Variants in FHIT observed in about 807,000 individuals in gnomAD.
FHIT encodes the protein fragile histidine triad diadenosine triphosphatase.
A neutral mutation model predicts 17.9 loss-of-function variants in FHIT; 19 were observed. The observed-to-expected ratio is 1.06, with a 90% CI of 0.74 to 1.56. The LOEUF (loss-of-function observed/expected upper bound fraction) is 1.56, where lower values mean the gene tolerates loss of function less well. Ranked by LOEUF, FHIT falls within the 40% of genes most tolerant of loss-of-function variation. FHIT has a pLI of 0.00. For synonymous variants in FHIT, 81 were observed against 69.7 expected, an observed-to-expected ratio of 1.16 and a Z score of -0.81; for missense variants, 248 against 189.2, an observed-to-expected ratio of 1.31 and a Z score of -1.82.
At position 59,986,420 on chromosome 3, in the gene FHIT, T is replaced by G. The variant is rs533794430; in HGVS notation, c.279+24951A>C. On this transcript the variant is annotated intron_variant, in intron 7 of 9. Coordinates refer to ENST00000492590, the MANE Select transcript of FHIT (RefSeq NM_002012.4). ...CCTTACTTCTCAAACAGTTATTCCC[T>G]TTGCTATATCACCCAGAAGTCTGTG... Among the ~76,000 whole-genome samples, 139 of 148,276 alleles carry G rather than the reference T, an allele frequency of 9.4e-4. 1 individual carries two copies. Among genetic ancestry groups the G allele is most frequent in the South Asian group, 4.5e-3 (21 of 4,712 alleles).
intron 4 of FHIT, among the ~76,000 whole-genome samples, chr3:60,660,727 C>CTTTTTTTTT (rs1220817643): frequency 2.9e-3 from 49 of 16,740 alleles, no homozygotes; most frequent in Non-Finnish European, 4.1e-3. Context: ...TTTTATTGTG[C>CTTTTTTTTT]TCTTTTTTTT....
rs185024584 is a variant in FHIT, at chr3:61,216,633, G to C, written c.-212-15968C>G. 5.5e-3 allele frequency among the ~76,000 whole-genome samples: 838 copies of C among 152,172 alleles called. 12 individuals carry two copies. The highest frequency in any genetic ancestry group is 0.019 in the African/African-American group (798 of 41,516). On this transcript the variant is annotated intron_variant, in intron 1 of 9. Coordinates refer to ENST00000492590, the MANE Select transcript of FHIT (RefSeq NM_002012.4). ...TAGAAATACCATTTGACCCAGCCAT[G>C]CCATTACTGCGTATATACCCAAAGG...
chr3:60,525,410 C>T (rs1050932311), intron 5 of FHIT, among the ~76,000 whole-genome samples: 9 of 152,190 alleles, frequency 5.9e-5, no homozygotes, highest in African/African-American at 9.6e-5. Flanking sequence ...GAAGGGATCA[C>T]ACCCTACCTA....
intron 5 of FHIT, among the ~76,000 whole-genome samples, chr3:60,054,893 G>A (rs1335598155): frequency 6.6e-6 from 1 of 151,962 alleles, no homozygotes; most frequent in Non-Finnish European, 1.5e-5. Flanking sequence ...AGAAATTTGT[G>A]TTTTATTTTT....
At chr3:59,836,295 T>C (rs1332195373) in intron 8 of FHIT, among the ~76,000 whole-genome samples, 1 of 152,202 alleles carries the variant, frequency 6.6e-6, no homozygotes. Context: ...ATTCTTATCC[T>C]TTGTGACTGC....
At chr3:60,378,649 A>C (rs922652902) in intron 5 of FHIT, among the ~76,000 whole-genome samples, 108 of 152,352 alleles carry the variant, frequency 7.1e-4, no homozygotes, top group African/African-American at 2.5e-3. Flanking sequence ...ATGTCAAACT[A>C]ATATGATAAA....
intron 5 of FHIT, among the ~76,000 whole-genome samples, chr3:60,045,266 G>C (rs1701604515): frequency 6.6e-6 from 1 of 152,132 alleles, no homozygotes. Flanking sequence ...AGACATACCT[G>C]AGACTGGGCA....
chr3:61,117,083 C>A (rs1318342813), intron 2 of FHIT, among the ~76,000 whole-genome samples: 3 of 152,022 alleles, frequency 2.0e-5, no homozygotes, highest in Admixed American at 6.6e-5. Flanking sequence ...AGAAAGCTTC[C>A]AATAATTTTA....
chr3:60,611,121 T>A (rs569533949), intron 4 of FHIT, among the ~76,000 whole-genome samples: 1 of 152,302 alleles, frequency 6.6e-6, no homozygotes, highest in African/African-American at 2.4e-5. Context: ...TTGTGGCTCA[T>A]CTCATAGTTG....
At chr3:60,355,807 C>T (rs544847084) in intron 5 of FHIT, among the ~76,000 whole-genome samples, 2 of 152,134 alleles carry the variant, frequency 1.3e-5, no homozygotes, top group East Asian at 3.8e-4. Context: ...TGTTGTAATT[C>T]ACAGGTGTAC....
At chr3:59,794,852 G>A (rs1396091870) in intron 8 of FHIT, among the ~76,000 whole-genome samples, 2 of 152,212 alleles carry the variant, frequency 1.3e-5, no homozygotes, top group African/African-American at 4.8e-5. Flanking sequence ...TTGACAGTAT[G>A]AGGGAAGGCC....
intron 5 of FHIT, among the ~76,000 whole-genome samples, chr3:60,252,864 G>A (rs899584990): frequency 3.3e-5 from 5 of 151,898 alleles, no homozygotes; most frequent in Admixed American, 6.6e-5. Flanking sequence ...CGGGCGTGGT[G>A]GCGGGTGCCT....
chr3:60,442,083 C>A (rs2030934069), intron 5 of FHIT, among the ~76,000 whole-genome samples: 1 of 151,580 alleles, frequency 6.6e-6, no homozygotes, highest in Non-Finnish European at 1.5e-5. Context: ...TGGTCTTGAA[C>A]TTCTGGGCTC....
At chr3:60,338,398 C>T (rs1253730548) in intron 5 of FHIT, among the ~76,000 whole-genome samples, 1 of 152,162 alleles carries the variant, frequency 6.6e-6, no homozygotes, top group Non-Finnish European at 1.5e-5. Flanking sequence ...CAGGGTCTCA[C>T]TGTGGCGCCC....
At chr3:59,944,262 G>A (rs753891763) in intron 7 of FHIT, among the ~76,000 whole-genome samples, 24 of 152,266 alleles carry the variant, frequency 1.6e-4, no homozygotes, top group Admixed American at 1.0e-3. Flanking sequence ...CAATGCGTGT[G>A]TATAGTTAGT....
intron 2 of FHIT, among the ~76,000 whole-genome samples, chr3:61,118,991 T>G (rs1309218489): frequency 6.6e-6 from 1 of 152,086 alleles, no homozygotes; most frequent in East Asian, 1.9e-4. Flanking sequence ...AGGGAAGACA[T>G]TTTACTGGGC....
intron 8 of FHIT, among the ~76,000 whole-genome samples, chr3:59,911,884 T>A (rs943898109): frequency 1.3e-5 from 2 of 152,110 alleles, no homozygotes; most frequent in Admixed American, 1.3e-4. Context: ...GACAACCTAC[T>A]CTATTATGAA....
chr3:60,176,418 T>C (rs970960766), intron 5 of FHIT, among the ~76,000 whole-genome samples: 31 of 152,174 alleles, frequency 2.0e-4, no homozygotes, highest in African/African-American at 6.3e-4. Flanking sequence ...CTCTATCAGA[T>C]ATTAATTAGT....
At chr3:60,689,693 C>T (rs1158728016) in intron 4 of FHIT, among the ~76,000 whole-genome samples, 1 of 152,138 alleles carries the variant, frequency 6.6e-6, no homozygotes, top group African/African-American at 2.4e-5. Context: ...TGAACGAATA[C>T]ATTTTAAAAC....
Sources: gnomAD v4.1 joint callset for allele counts (sites outside exome capture counted in the v4.1 genomes callset) on GRCh38, gnomAD v4.1.1 for gene constraint, MANE v1.5 for transcripts, NCBI Gene and HGNC (gene_info 2026-07-23, HGNC 2026-07-21) for gene names.